The following TNS3 variants were observed in gnomAD, a reference collection of about 807,000 sequenced individuals.
TNS3 encodes tensin 3, also known as tensin-3.
TNS3 carries 45 observed loss-of-function variants against 140.9 expected under a neutral mutation model. The ratio of observed to expected loss-of-function variants is 0.32; its 90% CI spans 0.25 to 0.41. TNS3 has a LOEUF of 0.41. Among genes scored for constraint, TNS3 ranks in the 10% least tolerant of loss-of-function variants. The pLI is 1.00. For missense variants in TNS3, 1,716 were observed against 1,906.7 expected (o/e 0.90, Z 1.86); for synonymous variants, 815 against 788.4 (o/e 1.03, Z -0.56).
At chr7:47,542,926 C>CAAAAAAAAAAAAAAAA (rs33935034) in intron 1 of TNS3, among the ~76,000 whole-genome samples, 1 of 135,166 alleles carries the variant, frequency 7.4e-6, no homozygotes, top group Non-Finnish European at 1.6e-5. Flanking sequence ...GCAAGACTGT[C>CAAAAAAAAAAAAAAAA]AAAAAAAAAA....
Position 47,346,106 on chromosome 7 carries a change from C to A in TNS3, c.2451+81G>T. ...GCTGTATTCAGGGACAAGGCCTGGT[C>A]ATTGCCCATTCACTCGGGGTTCCAG... On this transcript the variant is annotated intron_variant, in intron 18 of 30. Coordinates refer to ENST00000311160, the MANE Select transcript of TNS3 (RefSeq NM_022748.12). 4 of 1,550,338 alleles carry A rather than the reference C, an allele frequency of 2.6e-6. No individual in the cohort carries two copies. In the South Asian group the frequency reaches 3.6e-5, roughly 14 times the overall value.
At chr7:47,409,418 A>AG (rs1402397129) in intron 13 of TNS3, among the ~76,000 whole-genome samples, 3 of 151,794 alleles carry the variant, frequency 2.0e-5, no homozygotes, top group Admixed American at 1.3e-4. Flanking sequence ...GGTGGGCGGT[A>AG]GGGGGGAAGA....
chr7:47,560,777 G>A (rs1252587167), intron 1 of TNS3, among the ~76,000 whole-genome samples: 2 of 152,174 alleles, frequency 1.3e-5, no homozygotes, highest in Non-Finnish European at 2.9e-5. Flanking sequence ...TGGGGGACTT[G>A]GGAATGTCCT....
intron 1 of TNS3, chr7:47,579,045 A>C (rs1784469957): frequency 6.6e-6 from 1 of 152,286 alleles, no homozygotes; most frequent in Non-Finnish European, 1.5e-5. Flanking sequence ...GCCACGCAAC[A>C]CGCCCTTCAC....
chr7:47,534,841 T>C (rs1003746517), intron 1 of TNS3, among the ~76,000 whole-genome samples: 1 of 152,124 alleles, frequency 6.6e-6, no homozygotes, highest in African/African-American at 2.4e-5. Flanking sequence ...TTCTGTGTCA[T>C]TACCGTAATC....
chr7:47,508,706 G>A (rs1238385451), intron 2 of TNS3, among the ~76,000 whole-genome samples: 1 of 152,202 alleles, frequency 6.6e-6, no homozygotes, highest in East Asian at 1.9e-4. Flanking sequence ...TGGGCTGTGT[G>A]ACAGTGCAAC....
intron 1 of TNS3, among the ~76,000 whole-genome samples, chr7:47,577,503 G>A (rs1324477474): frequency 6.6e-6 from 1 of 152,190 alleles, no homozygotes; most frequent in Non-Finnish European, 1.5e-5. Flanking sequence ...CCAGGGGCTG[G>A]GCTGTGGGTG....
intron 20 of TNS3, among the ~76,000 whole-genome samples, chr7:47,324,786 A>G (rs757807660): frequency 1.3e-5 from 2 of 152,244 alleles, no homozygotes; most frequent in African/African-American, 4.8e-5. Flanking sequence ...AAGTCTCTTA[A>G]TAAAAACTTT....
intron 4 of TNS3, among the ~76,000 whole-genome samples, chr7:47,476,406 C>A (rs1797196738): frequency 6.6e-6 from 1 of 152,166 alleles, no homozygotes; most frequent in Admixed American, 6.5e-5. Flanking sequence ...GGCTGTGACT[C>A]CCCTGTAAGG....
chr7:47,299,630 G>T (rs902170557), intron 23 of TNS3, among the ~76,000 whole-genome samples: 1 of 152,312 alleles, frequency 6.6e-6, no homozygotes, highest in East Asian at 1.9e-4. Flanking sequence ...GCTTTGCTCC[G>T]ACCAGTTCTC....
chr7:47,295,772 C>T (rs1785981340), intron 24 of TNS3, among the ~76,000 whole-genome samples: 1 of 152,166 alleles, frequency 6.6e-6, no homozygotes, highest in Non-Finnish European at 1.5e-5. Context: ...GGAAACGCTA[C>T]AGCCCTGCCT....
chr7:47,346,956 C>T (rs1472065236), intron 17 of TNS3, among the ~76,000 whole-genome samples: 1 of 152,204 alleles, frequency 6.6e-6, no homozygotes, highest in Non-Finnish European at 1.5e-5. Flanking sequence ...TCCCTGGGGT[C>T]CCCACTCTTG....
At chr7:47,385,317 T>C (rs926441995) in intron 16 of TNS3, among the ~76,000 whole-genome samples, 1 of 152,154 alleles carries the variant, frequency 6.6e-6, no homozygotes, top group Non-Finnish European at 1.5e-5. Flanking sequence ...AAAGATTAGA[T>C]ATGTTAATGC....
chr7:47,344,697 A>G (rs978170209), intron 20 of TNS3, 58 bp downstream of exon 20: 1 of 1,505,046 alleles, frequency 6.6e-7, no homozygotes. Context: ...AAAAATGGCG[A>G]CCCCGCGATG....
chr7:47,520,648 G>C (rs1798940394), intron 2 of TNS3, among the ~76,000 whole-genome samples: 1 of 152,206 alleles, frequency 6.6e-6, no homozygotes, highest in Non-Finnish European at 1.5e-5. Flanking sequence ...TGCAACAGAG[G>C]AGCAGAATTT....
intron 20 of TNS3, among the ~76,000 whole-genome samples, chr7:47,311,261 T>C (rs569359820): frequency 6.6e-6 from 1 of 152,214 alleles, no homozygotes; most frequent in Non-Finnish European, 1.5e-5. Context: ...ATTGCCATTC[T>C]GGGGGCAGGG....
chr7:47,416,699 G>A (rs552442009), intron 10 of TNS3, among the ~76,000 whole-genome samples: 3 of 152,266 alleles, frequency 2.0e-5, no homozygotes, highest in African/African-American at 7.2e-5. Flanking sequence ...CTCCTGCAGG[G>A]TACTTTCTAC....
chr7:47,481,508 G>A (rs1000741961), intron 3 of TNS3: 3 of 282,526 alleles, frequency 1.1e-5, no homozygotes, highest in South Asian at 1.3e-4. Flanking sequence ...CCCAGAGAAG[G>A]AGGTGGAAGG....
At position 47,302,706 on chromosome 7, in the gene TNS3, C is replaced by T. The variant is rs575826385; in HGVS notation, c.3457+244G>A. The stretch of plus-strand genomic sequence containing the variant: ...AGTAGAACCACTGCAAATGTCTGCA[C>T]TTTCTACAACTGGAAGGAATCCAAG... On this transcript the variant is annotated intron_variant, in intron 22 of 30. Transcript: ENST00000311160. 2.3e-4 allele frequency among the ~76,000 whole-genome samples: 35 copies of T among 152,342 alleles called. 1 individual carries two copies. In the South Asian group the frequency reaches 7.3e-3, roughly 32 times the overall value.
Sources: allele counts gnomAD v4.1 joint callset (sites outside exome capture counted in the v4.1 genomes callset), GRCh38; gene constraint gnomAD v4.1.1; transcripts MANE v1.5; gene names NCBI Gene and HGNC (gene_info 2026-07-23, HGNC 2026-07-21).